The following PALM2AKAP2 variants were observed in gnomAD, a reference collection of about 807,000 sequenced individuals.
PALM2AKAP2 encodes PALM2 and AKAP2 fusion.
A neutral mutation model predicts 71.5 loss-of-function variants in PALM2AKAP2; 37 were observed. That is an observed-to-expected ratio of 0.52 (90% CI 0.40 to 0.68). The LOEUF is 0.68. Ranked by LOEUF, PALM2AKAP2 falls within the 30% of genes least tolerant of loss-of-function variation. PALM2AKAP2 has a pLI of 0.00. For missense variants in PALM2AKAP2, 1,224 were observed against 1,191.8 expected, an observed-to-expected ratio of 1.03 and a Z score of -0.40; for synonymous variants, 468 against 478.8, an observed-to-expected ratio of 0.98 and a Z score of 0.29.
chr9:109,870,066 C>G (rs868549564), intron 2 of PALM2AKAP2, among the ~76,000 whole-genome samples: 37 of 152,148 alleles, frequency 2.4e-4, no homozygotes, highest in African/African-American at 8.0e-4. Flanking sequence ...AGACCCCCAG[C>G]TTTGGGAGGT....
chr9:109,881,993 C>T (rs1829866418), intron 3 of PALM2AKAP2, among the ~76,000 whole-genome samples: 1 of 149,896 alleles, frequency 6.7e-6, no homozygotes, highest in African/African-American at 2.4e-5. Flanking sequence ...AAGCGATTCT[C>T]CTGCCTCAGC....
At chr9:109,755,759 T>C (rs965598569) in intron 1 of PALM2AKAP2, among the ~76,000 whole-genome samples, 2 of 152,088 alleles carry the variant, frequency 1.3e-5, no homozygotes, top group African/African-American at 4.8e-5. Context: ...CATGACTATG[T>C]AACATTAAAT....
At chr9:109,976,954 G>T (rs1832182588) in intron 6 of PALM2AKAP2, among the ~76,000 whole-genome samples, 1 of 152,172 alleles carries the variant, frequency 6.6e-6, no homozygotes, top group East Asian at 1.9e-4. Flanking sequence ...TGGTGCCAGA[G>T]CTTCAGGCTT....
intron 1 of PALM2AKAP2, among the ~76,000 whole-genome samples, chr9:109,864,584 C>T (rs1315681221): frequency 1.3e-5 from 2 of 152,148 alleles, no homozygotes; most frequent in South Asian, 2.1e-4. Context: ...AACTAGGACC[C>T]GTGGGCCAAA....
intron 1 of PALM2AKAP2, among the ~76,000 whole-genome samples, chr9:110,058,357 G>GAAAA (rs1234761283): frequency 6.6e-6 from 1 of 152,184 alleles, no homozygotes; most frequent in Non-Finnish European, 1.5e-5. Flanking sequence ...GGATGCAGTG[G>GAAAA]AAAAGTTTCT....
upstream of PALM2AKAP2, among the ~76,000 whole-genome samples, chr9:110,046,385 T>G (rs1564276735): frequency 3.9e-5 from 6 of 152,102 alleles, 1 homozygote; most frequent in Admixed American, 3.9e-4. Flanking sequence ...ATTCTAGAAC[T>G]TTAAAATTAA....
chr9:109,689,698 G>C (rs756751318), intron 1 of PALM2AKAP2, among the ~76,000 whole-genome samples: 8 of 152,224 alleles, frequency 5.3e-5, no homozygotes, highest in Non-Finnish European at 1.0e-4. Context: ...TGAGCTCAGT[G>C]TGAGACTCAC....
intron 7 of PALM2AKAP2, among the ~76,000 whole-genome samples, chr9:110,021,129 A>C (rs533679838): frequency 6.6e-6 from 1 of 152,164 alleles, no homozygotes; most frequent in Non-Finnish European, 1.5e-5. Flanking sequence ...AATAATCTTG[A>C]GATGAGAGCA....
At chr9:110,101,314 C>G (rs1834994746) in intron 1 of PALM2AKAP2, among the ~76,000 whole-genome samples, 1 of 152,178 alleles carries the variant, frequency 6.6e-6, no homozygotes, top group Admixed American at 6.5e-5. Flanking sequence ...CCACTCCACT[C>G]CTGAGTGTCC....
At chr9:109,956,294 C>A (rs886742264) in intron 6 of PALM2AKAP2, among the ~76,000 whole-genome samples, 1 of 151,952 alleles carries the variant, frequency 6.6e-6, no homozygotes, top group Non-Finnish European at 1.5e-5. Flanking sequence ...TGTGTGCCAC[C>A]GCATCTGGCC....
intron 1 of PALM2AKAP2, among the ~76,000 whole-genome samples, chr9:109,802,867 A>T (rs974516622): frequency 1.4e-4 from 21 of 152,138 alleles, no homozygotes; most frequent in African/African-American, 4.8e-4. Context: ...TGCCACATAG[A>T]TTGTTCATGA....
intron 1 of PALM2AKAP2, among the ~76,000 whole-genome samples, chr9:109,674,176 G>GT (rs564954328): frequency 1.5e-3 from 221 of 151,272 alleles, no homozygotes; most frequent in Middle Eastern, 3.4e-3. Context: ...TTTCTTTTTT[G>GT]TTTTTTTGTT....
At chr9:109,704,061 G>GA (rs1199833205) in intron 1 of PALM2AKAP2, among the ~76,000 whole-genome samples, 17 of 152,332 alleles carry the variant, frequency 1.1e-4, no homozygotes, top group African/African-American at 3.6e-4. Context: ...TTTTAGGACA[G>GA]TGGTGAGGGG....
chr9:109,997,460 G>A (rs1343795105), intron 6 of PALM2AKAP2, among the ~76,000 whole-genome samples: 1 of 152,190 alleles, frequency 6.6e-6, no homozygotes, highest in African/African-American at 2.4e-5. Context: ...GGGTTGAGAA[G>A]ACATGGGGCC....
intron 7 of PALM2AKAP2, among the ~76,000 whole-genome samples, chr9:110,017,789 G>A (rs909191259): frequency 8.6e-5 from 13 of 150,554 alleles, no homozygotes; most frequent in East Asian, 1.9e-4. Context: ...GTGCAGTAGC[G>A]CAGACTTGGC....
chr9:110,074,213 A>G (rs77027113), intron 1 of PALM2AKAP2, among the ~76,000 whole-genome samples: 3,015 of 152,348 alleles, frequency 0.02, 111 homozygotes, highest in African/African-American at 0.068. Context: ...TTAGCTGGGC[A>G]TGATAGCTCA....
At chr9:109,685,980 C>T (rs1827800812) in intron 1 of PALM2AKAP2, among the ~76,000 whole-genome samples, 1 of 152,146 alleles carries the variant, frequency 6.6e-6, no homozygotes. Context: ...CTCACAGCAT[C>T]TTCACCAGGA....
At chr9:110,103,395 C>T (rs184866421) in intron 1 of PALM2AKAP2, among the ~76,000 whole-genome samples, 106 of 152,274 alleles carry the variant, frequency 7.0e-4, no homozygotes, top group African/African-American at 2.5e-3. Context: ...GCTAACCTTG[C>T]AGCAAGTGAG....
At chr9:109,903,305 G>A (rs1252153009) in intron 3 of PALM2AKAP2, among the ~76,000 whole-genome samples, 1 of 151,892 alleles carries the variant, frequency 6.6e-6, no homozygotes, top group African/African-American at 2.4e-5. Context: ...TGCGTACCGG[G>A]AGGGGTTGGC....
Sources: gnomAD v4.1 joint callset for allele counts (sites outside exome capture counted in the v4.1 genomes callset) on GRCh38, gnomAD v4.1.1 for gene constraint, MANE v1.5 for transcripts, NCBI Gene and HGNC (gene_info 2026-07-23, HGNC 2026-07-21) for gene names.